ETFA: variants seen among roughly 807,000 people sequenced by gnomAD.
ETFA encodes the protein electron transfer flavoprotein subunit alpha.
A neutral mutation model predicts 46.2 loss-of-function variants in ETFA; 22 were observed. The ratio of observed to expected loss-of-function variants is 0.48; its 90% CI spans 0.34 to 0.68. The LOEUF (loss-of-function observed/expected upper bound fraction) is 0.68, where lower values mean the gene tolerates loss of function less well. Among genes scored for constraint, ETFA ranks in the 30% least tolerant of loss-of-function variants. The pLI is 0.01. For missense variants in ETFA, 345 were observed against 401.1 expected (o/e 0.86, Z 1.19); for synonymous variants, 131 against 139.9 (o/e 0.94, Z 0.45).
At chr15:76,305,251 T>G (rs2039928840) in intron 1 of ETFA, among the ~76,000 whole-genome samples, 1 of 152,218 alleles carries the variant, frequency 6.6e-6, no homozygotes, top group Non-Finnish European at 1.5e-5. Flanking sequence ...GTTTCTTCCT[T>G]AATCTGTTTG....
chr15:76,259,421 T>A, intron 9 of ETFA: 1 of 1,199,766 alleles, frequency 8.3e-7, no homozygotes, highest in Non-Finnish European at 1.2e-6. Context: ...TTGGATGGAG[T>A]GGGAGTGTAA....
chr15:76,217,766 C>A, intron 11 of ETFA: 1 of 348,328 alleles, frequency 2.9e-6, no homozygotes, highest in South Asian at 2.1e-5. Flanking sequence ...GGGCTTTCGG[C>A]TGCCTTAGCT....
At chr15:76,293,193 C>T (rs1322555041) in intron 2 of ETFA, among the ~76,000 whole-genome samples, 1 of 152,122 alleles carries the variant, frequency 6.6e-6, no homozygotes, top group Non-Finnish European at 1.5e-5. Context: ...AAATCTAATG[C>T]CAATAGATCT....
chr15:76,222,566 C>T (rs1342504776), intron 11 of ETFA, among the ~76,000 whole-genome samples: 1 of 152,098 alleles, frequency 6.6e-6, no homozygotes. Flanking sequence ...GCGATTTTTA[C>T]TGCACCTTAT....
At chr15:76,307,691 G>A (rs1416479150) in intron 1 of ETFA, among the ~76,000 whole-genome samples, 2 of 151,528 alleles carry the variant, frequency 1.3e-5, no homozygotes, top group African/African-American at 2.4e-5. Flanking sequence ...GCCATGTTGC[G>A]CAGGCTGGTC....
At chr15:76,274,711 T>C (rs982805127) in intron 8 of ETFA, among the ~76,000 whole-genome samples, 1 of 152,224 alleles carries the variant, frequency 6.6e-6, no homozygotes, top group Non-Finnish European at 1.5e-5. Context: ...ATGGCAGTCA[T>C]AAAATTTACA....
At chr15:76,299,497 G>A (rs2039860215) in intron 1 of ETFA, among the ~76,000 whole-genome samples, 1 of 152,024 alleles carries the variant, frequency 6.6e-6, no homozygotes. Flanking sequence ...TGCCTGGGCT[G>A]GTCTTGAACT....
intron 8 of ETFA, among the ~76,000 whole-genome samples, chr15:76,278,629 C>T (rs1252390786): frequency 6.6e-6 from 1 of 152,222 alleles, no homozygotes; most frequent in Non-Finnish European, 1.5e-5. Context: ...TAAGTTCCCC[C>T]AGTCCTTTCA....
intron 1 of ETFA, 126 bp downstream of exon 1, chr15:76,311,224 G>T: frequency 8.8e-7 from 1 of 1,141,682 alleles, no homozygotes. Flanking sequence ...AGTCCCAGGC[G>T]GGGACCGGCC....
rs1336257123 is a variant in ETFA at position 76,291,445 on chromosome 15, C to CG, written c.351+985dup. 5.7e-4 allele frequency among the ~76,000 whole-genome samples: 8 copies of CG among 14,138 alleles called. 1 individual carries two copies. The East Asian group carries it at 6.1e-3, about 11-fold the overall frequency. The allele number at this position is 14,138 out of a possible 152,430, so 9.3% of individuals were successfully genotyped here. On this transcript the variant is annotated intron_variant, in intron 4 of 11. Transcript: ENST00000557943. ...GGGCGAGGAAAGTAAGACTCCATCTCGAAAAAAAAAAAAAAAAAAAGTAGG... is the reference window on the plus strand; with the variant it reads ...GGGCGAGGAAAGTAAGACTCCATCTCGGAAAAAAAAAAAAAAAAAAAGTAGG...
intron 9 of ETFA, among the ~76,000 whole-genome samples, chr15:76,241,733 C>G (rs1465452555): frequency 9.9e-5 from 13 of 130,662 alleles, no homozygotes; most frequent in Non-Finnish European, 2.0e-4. Context: ...ACCCGGGAGG[C>G]AGAGCTGGCA....
intron 4 of ETFA, among the ~76,000 whole-genome samples, chr15:76,291,562 AAC>A (rs1182896567): frequency 6.6e-6 from 1 of 151,790 alleles, no homozygotes; most frequent in African/African-American, 2.4e-5. Flanking sequence ...CATCCTGGCT[AAC>A]ACAGTGAAAC....
At chr15:76,260,929 C>A in intron 9 of ETFA, 1 of 1,611,638 alleles carries the variant, frequency 6.2e-7, no homozygotes, top group African/African-American at 1.3e-5. Context: ...GTCACCTGAA[C>A]TGTACAGGAC....
At chr15:76,242,214 AT>A (rs1291735121) in intron 9 of ETFA, among the ~76,000 whole-genome samples, 1 of 152,194 alleles carries the variant, frequency 6.6e-6, no homozygotes, top group Non-Finnish European at 1.5e-5. Context: ...TCTACGTAGA[AT>A]TTTGGAGTTG....
At chr15:76,291,076 C>A (rs1056283492) in intron 4 of ETFA, among the ~76,000 whole-genome samples, 44 of 151,982 alleles carry the variant, frequency 2.9e-4, no homozygotes, top group African/African-American at 9.9e-4. Context: ...ATTAGCTGGG[C>A]ATGGTGGCAT....
rs1242744653 is a variant in ETFA, at chr15:76,218,268, CT to C, written c.964-1672del. Among the ~76,000 whole-genome samples the C allele has an allele frequency of 9.2e-5, 14 of 151,866 alleles. 1 individual carries two copies. The South Asian group carries it at 1.7e-3, about 18-fold the overall frequency. ...CTTTTTTTATTAGATCAACCACACA[CT>C]TTTTTTTTCTTTTCCAAGACAGAGT... is the stretch of plus-strand genomic sequence containing the variant. On this transcript the variant is annotated intron_variant, in intron 11 of 11. Transcript: ENST00000557943.
chr15:76,267,707 ATTT>A (rs2039485384), intron 9 of ETFA, among the ~76,000 whole-genome samples: 3 of 152,242 alleles, frequency 2.0e-5, no homozygotes, highest in Admixed American at 1.3e-4. Context: ...ATGCAATTGC[ATTT>A]AGCTTTATTA....
intron 11 of ETFA, among the ~76,000 whole-genome samples, chr15:76,220,294 G>A (rs1255998418): frequency 2.0e-5 from 3 of 152,202 alleles, no homozygotes; most frequent in African/African-American, 7.2e-5. Context: ...TCTCGAACTC[G>A]TGACATCGAG....
At chr15:76,224,506 A>G (rs888452686) in intron 11 of ETFA, among the ~76,000 whole-genome samples, 2 of 152,172 alleles carry the variant, frequency 1.3e-5, no homozygotes, top group African/African-American at 4.8e-5. Context: ...TCCTATTTCC[A>G]TCCTTCACTG....
Sources: allele counts gnomAD v4.1 joint callset (sites outside exome capture counted in the v4.1 genomes callset), GRCh38; gene constraint gnomAD v4.1.1; transcripts MANE v1.5; gene names NCBI Gene and HGNC (gene_info 2026-07-23, HGNC 2026-07-21).